Variants in GABBR2 observed in about 807,000 individuals in gnomAD.
The protein encoded by GABBR2 is G-protein coupled receptor 51.
GABBR2 carries 23 observed loss-of-function variants against 105.6 expected under a neutral mutation model. The observed-to-expected ratio is 0.22, with a 90% CI of 0.16 to 0.31. The LOEUF (loss-of-function observed/expected upper bound fraction) is 0.31. Among genes scored for constraint, GABBR2 ranks in the 10% least tolerant of loss-of-function variants. The pLI, the probability that GABBR2 is intolerant of heterozygous loss-of-function variation, is 1.00. For missense variants in GABBR2, 734 were observed against 1,245.5 expected (o/e 0.59, Z 6.18); for synonymous variants, 478 against 499.7 (o/e 0.96, Z 0.58).
intron 1 of GABBR2, among the ~76,000 whole-genome samples, chr9:98,695,572 G>A (rs1830739263): frequency 6.6e-6 from 1 of 152,154 alleles, no homozygotes; most frequent in Non-Finnish European, 1.5e-5. Context: ...AAATAAGAAC[G>A]AGTTTTTATG....
intron 12 of GABBR2, among the ~76,000 whole-genome samples, chr9:98,370,932 C>T (rs1316799909): frequency 6.6e-6 from 1 of 152,138 alleles, no homozygotes; most frequent in Non-Finnish European, 1.5e-5. Context: ...CAGGTACCAG[C>T]CCTGTTTCAC....
intron 13 of GABBR2, among the ~76,000 whole-genome samples, chr9:98,320,460 C>A (rs1393082287): frequency 6.6e-6 from 1 of 151,996 alleles, no homozygotes; most frequent in African/African-American, 2.4e-5. Flanking sequence ...CCATTTGACC[C>A]AGCCATCCCA....
chr9:98,534,653 T>C (rs1470489729), intron 3 of GABBR2, among the ~76,000 whole-genome samples: 1 of 152,134 alleles, frequency 6.6e-6, no homozygotes, highest in Non-Finnish European at 1.5e-5. Context: ...GACATGAGGG[T>C]AATGCAAATT....
intron 13 of GABBR2, among the ~76,000 whole-genome samples, chr9:98,349,790 C>T (rs1031264408): frequency 6.6e-6 from 1 of 152,044 alleles, no homozygotes; most frequent in African/African-American, 2.4e-5. Context: ...AAAGAATTTC[C>T]TCCTCTTCAA....
At chr9:98,329,566 C>T (rs7041874) in intron 13 of GABBR2, among the ~76,000 whole-genome samples, 3,071 of 152,310 alleles carry the variant, frequency 0.02, 107 homozygotes, top group African/African-American at 0.07. Flanking sequence ...CGTTCACCCA[C>T]CCTGAGCCCT....
chr9:98,621,223 G>C (rs2131821592), intron 1 of GABBR2, among the ~76,000 whole-genome samples: 1 of 152,330 alleles, frequency 6.6e-6, no homozygotes, highest in East Asian at 1.9e-4. Context: ...AAGGCTCAGA[G>C]AGGTTGAACA....
chr9:98,347,675 A>G (rs757984108), intron 13 of GABBR2, among the ~76,000 whole-genome samples: 1 of 152,126 alleles, frequency 6.6e-6, no homozygotes, highest in Non-Finnish European at 1.5e-5. Context: ...CATTTCCCCT[A>G]TATTTTATTC....
At chr9:98,439,968 G>T (rs1259139743) in intron 7 of GABBR2, among the ~76,000 whole-genome samples, 1 of 152,186 alleles carries the variant, frequency 6.6e-6, no homozygotes, top group Non-Finnish European at 1.5e-5. Flanking sequence ...CCTCTTTAGG[G>T]CCAAAGCACC....
At chr9:98,410,085 C>T (rs1303166814) in intron 7 of GABBR2, among the ~76,000 whole-genome samples, 1 of 151,786 alleles carries the variant, frequency 6.6e-6, no homozygotes, top group Non-Finnish European at 1.5e-5. Flanking sequence ...GGAGCCAGGC[C>T]AGCTTCAATT....
chr9:98,338,797 C>T (rs1831159017), intron 13 of GABBR2, among the ~76,000 whole-genome samples: 1 of 152,142 alleles, frequency 6.6e-6, no homozygotes, highest in South Asian at 2.1e-4. Context: ...TCCAAGAGAA[C>T]TAAAAGCATA....
intron 13 of GABBR2, among the ~76,000 whole-genome samples, chr9:98,335,859 C>A (rs575646533): frequency 6.6e-6 from 1 of 152,166 alleles, no homozygotes; most frequent in African/African-American, 2.4e-5. Context: ...CATTCATGCA[C>A]GCATTCCTTT....
intron 1 of GABBR2, chr9:98,608,061 C>G: frequency 7.6e-7 from 1 of 1,312,416 alleles, no homozygotes; most frequent in Admixed American, 1.8e-5. Context: ...CTGGGAAGCT[C>G]AACAACGTAT....
chr9:98,464,046 C>T (rs960253870), intron 6 of GABBR2, among the ~76,000 whole-genome samples: 32 of 152,302 alleles, frequency 2.1e-4, no homozygotes, highest in African/African-American at 7.0e-4. Flanking sequence ...AGCCTCTGCC[C>T]GCCCGCCACC....
intron 1 of GABBR2, among the ~76,000 whole-genome samples, chr9:98,586,421 T>C (rs1829078148): frequency 6.6e-6 from 1 of 151,778 alleles, no homozygotes; most frequent in African/African-American, 2.4e-5. Context: ...TACCTCAACC[T>C]CTTGAGTAGA....
intron 3 of GABBR2, among the ~76,000 whole-genome samples, chr9:98,525,509 C>G (rs1178287539): frequency 6.6e-6 from 1 of 152,160 alleles, no homozygotes; most frequent in Non-Finnish European, 1.5e-5. Context: ...TGGAAAATAA[C>G]AAGTGTTTGC....
At chr9:98,526,390 G>A (rs1199081331) in intron 3 of GABBR2, among the ~76,000 whole-genome samples, 1 of 151,980 alleles carries the variant, frequency 6.6e-6, no homozygotes, top group African/African-American at 2.4e-5. Context: ...TTGTGCATCT[G>A]TTCTCTCTGC....
intron 1 of GABBR2, among the ~76,000 whole-genome samples, chr9:98,586,181 T>C (rs544426375): frequency 5.9e-5 from 9 of 152,148 alleles, no homozygotes; most frequent in Non-Finnish European, 8.8e-5. Flanking sequence ...ATCACAGCTA[T>C]GTTGAAGACC....
chr9:98,351,555 T>C (rs920313630), intron 13 of GABBR2, among the ~76,000 whole-genome samples: 1 of 152,244 alleles, frequency 6.6e-6, no homozygotes, highest in Non-Finnish European at 1.5e-5. Flanking sequence ...AATGGCTTTA[T>C]TCAAATTTAG....
intron 6 of GABBR2, among the ~76,000 whole-genome samples, chr9:98,462,653 C>G (rs1019183109): frequency 2.6e-5 from 4 of 152,102 alleles, no homozygotes; most frequent in Admixed American, 2.6e-4. Flanking sequence ...GCTGACACAC[C>G]AAAAGTTGTT....
Sources: gnomAD v4.1 joint callset for allele counts (sites outside exome capture counted in the v4.1 genomes callset) on GRCh38, gnomAD v4.1.1 for gene constraint, MANE v1.5 for transcripts, NCBI Gene and HGNC (gene_info 2026-07-23, HGNC 2026-07-21) for gene names.